EVC: variants seen among roughly 807,000 people sequenced by gnomAD.
EVC encodes evC complex member EVC.
Under a neutral mutation model 118.9 loss-of-function variants are expected in EVC, and 116 were observed. The ratio of observed to expected loss-of-function variants is 0.98; its 90% CI spans 0.84 to 1.14. The LOEUF is 1.14. Ranked by LOEUF, EVC falls within the 50% of genes most tolerant of loss-of-function variation. The pLI is 0.00. For missense variants in EVC, 1,401 were observed against 1,246.4 expected (o/e 1.12, Z -1.87); for synonymous variants, 619 against 534.7 (o/e 1.16, Z -2.18).
At chr4:5,791,134 A>G (rs557058868) in intron 12 of EVC, among the ~76,000 whole-genome samples, 95 of 152,314 alleles carry the variant, frequency 6.2e-4, no homozygotes, top group African/African-American at 2.2e-3. Context: ...GAAAACAGAA[A>G]TCTAATTGGA....
intron 15 of EVC, 25 bp from the exon 16 acceptor site, chr4:5,801,925 C>T (rs992074635): frequency 1.2e-6 from 2 of 1,611,300 alleles, no homozygotes; most frequent in Non-Finnish European, 1.7e-6. Flanking sequence ...TCTCTGCTGT[C>T]CCTGTCCTTC....
chr4:5,806,587 C>T (rs192228304), intron 17 of EVC, among the ~76,000 whole-genome samples: 39 of 152,296 alleles, frequency 2.6e-4, no homozygotes, highest in Non-Finnish European at 5.0e-4. Context: ...CTTATCCAGT[C>T]CTCCATTGAT....
At position 5,755,459 on chromosome 4, in the gene EVC, G is replaced by A. The variant is rs1731022467; in HGVS notation, c.1465-805G>A. 6.6e-6 allele frequency among the ~76,000 whole-genome samples: 1 copy of A among 152,100 alleles called. No homozygotes were observed. Among genetic ancestry groups the A allele is most frequent in the African/African-American group, 2.4e-5 (1 of 41,418 alleles). On this transcript the variant is annotated intron_variant, in intron 10 of 20. Coordinates refer to ENST00000264956, the MANE Select transcript of EVC (RefSeq NM_153717.3). This position sits in a 1 kb window ranked among gnomAD's most constrained non-coding sequence, Gnocchi z 4.1. ...GGATGGAATGGGTGGGAGAATGAAC[G>A]AACGACACCAGGCTCCCAGTACACA...
chr4:5,811,071 C>T lies in EVC; in HGVS notation c.*34C>T. 6.4e-7 allele frequency: 1 copy of T among 1,564,792 alleles called. No individual in the cohort carries two copies. The highest frequency in any genetic ancestry group is 8.7e-7 in the Non-Finnish European group (1 of 1,143,830). ...CAGTCGGTGGGACAAGACCTGAAGC[C>T]CTGGGTCTGGGTGTGAATTCCACCT... On this transcript the variant is annotated 3_prime_UTR_variant, in exon 21 of 21. Coordinates refer to ENST00000264956, the MANE Select transcript of EVC (RefSeq NM_153717.3).
chr4:5,740,060 A>T (rs1728283307), intron 5 of EVC, among the ~76,000 whole-genome samples: 1 of 152,212 alleles, frequency 6.6e-6, no homozygotes, highest in South Asian at 2.1e-4. Flanking sequence ...GAGCAATTGG[A>T]CATCCATAAA....
At chr4:5,800,573 G>A (rs1285174510) in intron 15 of EVC, among the ~76,000 whole-genome samples, 2 of 152,080 alleles carry the variant, frequency 1.3e-5, no homozygotes, top group African/African-American at 4.8e-5. Context: ...TGGGGTGTCC[G>A]CCACTTTACT....
intron 5 of EVC, among the ~76,000 whole-genome samples, chr4:5,736,298 CACACAT>C (rs1319766142): frequency 2.0e-5 from 3 of 152,110 alleles, no homozygotes; most frequent in Admixed American, 6.5e-5. Context: ...CACACACACA[CACACAT>C]GCACACACAT....
chr4:5,756,425 A>ACAT lies in EVC; in HGVS notation c.1563+65_1563+67dup. 1 of 1,414,300 alleles carries ACAT rather than the reference A, an allele frequency of 7.1e-7. No homozygotes were observed. Among genetic ancestry groups the ACAT allele is most frequent in the Non-Finnish European group, 9.8e-7 (1 of 1,019,802 alleles). The allele number at this position is 1,414,300 out of a possible 1,614,324, so 87.6% of individuals were successfully genotyped here. Reference sequence around the variant, plus strand: ...GGGTCTGTGTGTGTGCGAGAACCTCACATCCTCCTGGCTGGGGACCCCAGA... The same window carrying ACAT: ...GGGTCTGTGTGTGTGCGAGAACCTCACATCATCCTCCTGGCTGGGGACCCCAGA... On this transcript the variant is annotated intron_variant, in intron 11 of 20. Coordinates refer to ENST00000264956, the MANE Select transcript of EVC (RefSeq NM_153717.3). The surrounding 1 kb of genome is among the most constrained non-coding windows in gnomAD (Gnocchi z 4.2).
chr4:5,713,915 A>C (rs189036340), intron 1 of EVC, among the ~76,000 whole-genome samples: 239 of 152,136 alleles, frequency 1.6e-3, no homozygotes, highest in African/African-American at 5.6e-3. Flanking sequence ...AAAATAAATA[A>C]ATAAATAAAG....
At chr4:5,733,483 G>A (rs1264514845) in intron 5 of EVC, 48 bp downstream of exon 5, 5 of 1,492,562 alleles carry the variant, frequency 3.3e-6, no homozygotes, top group Admixed American at 1.7e-5. Flanking sequence ...GACAGGAGCT[G>A]GGAGACAAGG....
chr4:5,751,572 G>A (rs1281161708), intron 8 of EVC, among the ~76,000 whole-genome samples: 1 of 152,254 alleles, frequency 6.6e-6, no homozygotes, highest in African/African-American at 2.4e-5. Context: ...TGTGTTGTGG[G>A]AACAGAGGCC....
chr4:5,800,092 C>A (rs1211927468), intron 15 of EVC, among the ~76,000 whole-genome samples: 2 of 152,226 alleles, frequency 1.3e-5, no homozygotes, highest in African/African-American at 2.4e-5. Context: ...CGCCTGTAAT[C>A]CCAGCACTTT....
rs1553872261 is a variant in EVC at position 5,742,736 on chromosome 4, T to C, written c.801+922T>C. ...GCCATCATCATCTTCATTACCACCA[T>C]AATCATCATCACCATCCTTATTGCC... On this transcript the variant is annotated intron_variant, in intron 6 of 20. Coordinates refer to ENST00000264956, the MANE Select transcript of EVC (RefSeq NM_153717.3). This position sits in a 1 kb window ranked among gnomAD's most constrained non-coding sequence, Gnocchi z 5.2. Among the ~76,000 whole-genome samples, 1 of 152,136 alleles carries C rather than the reference T, an allele frequency of 6.6e-6. No individual in the cohort carries two copies. The highest frequency in any genetic ancestry group is 1.5e-5 in the Non-Finnish European group (1 of 68,016).
intron 7 of EVC, among the ~76,000 whole-genome samples, chr4:5,747,215 G>C (rs1191704876): frequency 9.8e-6 from 1 of 101,586 alleles, no homozygotes; most frequent in African/African-American, 4.7e-5. Flanking sequence ...AGTTGAGGCT[G>C]ACAGAGTTTC....
chr4:5,758,448 T>A, intron 11 of EVC: 1 of 245,612 alleles, frequency 4.1e-6, no homozygotes, highest in Admixed American at 5.4e-5. Context: ...AGGAAGACAC[T>A]GCATTTTCCT....
At position 5,711,220 on chromosome 4, in the gene EVC, A is replaced by T. The variant is rs1722946850; in HGVS notation, c.-161A>T. 1 of 323,688 alleles carries T rather than the reference A, an allele frequency of 3.1e-6. No individual in the cohort carries two copies. The allele number at this position is 323,688 out of a possible 1,614,324, so 20.1% of individuals were successfully genotyped here. On this transcript the variant is annotated 5_prime_UTR_variant, in exon 1 of 21. Coordinates refer to ENST00000264956, the MANE Select transcript of EVC (RefSeq NM_153717.3). ...CTCCCTCCGGCTCGGCGAAGCAGGG[A>T]AGGGGAGAGAAGCAGGAGTCGGGAG...
At chr4:5,807,796 C>T (rs375243082) in intron 17 of EVC, among the ~76,000 whole-genome samples, 3 of 152,222 alleles carry the variant, frequency 2.0e-5, no homozygotes, top group Non-Finnish European at 4.4e-5. Context: ...CAGGAGAATG[C>T]TCCTCCCTGG....
Position 5,798,468 on chromosome 4 carries a change from C to G in EVC, c.2098-118C>G. 9.7e-7 allele frequency: 1 copy of G among 1,034,252 alleles called. No individual in the cohort carries two copies. The highest frequency in any genetic ancestry group is 1.5e-6 in the Non-Finnish European group (1 of 681,138). 64.1% of individuals were successfully genotyped at this position (1,034,252 alleles called of 1,614,324 possible). On this transcript the variant is annotated intron_variant, in intron 14 of 20. Transcript: ENST00000264956. This position sits in a 1 kb window ranked among gnomAD's most constrained non-coding sequence, Gnocchi z 4.1. The stretch of plus-strand genomic sequence containing the variant: ...CAGAGGCCACCTCTTTCTGCCCTTT[C>G]TCCATCCCTTTTCCAACCCCTGGGC...
In EVC at chr4:5,798,495, C is replaced by A; in HGVS notation, c.2098-91C>A. ...CCATCCCTTTTCCAACCCCTGGGCC[C>A]TGGATAGGACCAGCCCCACATCCCA... On this transcript the variant is annotated intron_variant, in intron 14 of 20. Transcript: ENST00000264956. The surrounding 1 kb of genome is among the most constrained non-coding windows in gnomAD (Gnocchi z 4.1). 1 of 1,362,046 alleles carries A rather than the reference C, an allele frequency of 7.3e-7. No individual in the cohort carries two copies. The highest frequency in any genetic ancestry group is 1.0e-6 in the Non-Finnish European group (1 of 977,392). 84.4% of individuals were successfully genotyped at this position (1,362,046 alleles called of 1,614,324 possible). A position where few individuals can be genotyped will look rare whatever the true frequency, so the allele number is the denominator to read the frequency against.
Sources: gnomAD v4.1 joint callset for allele counts (sites outside exome capture counted in the v4.1 genomes callset) on GRCh38, gnomAD v4.1.1 for gene constraint, Gnocchi (gnomAD v3.1) non-coding constraint, MANE v1.5 for transcripts, NCBI Gene and HGNC (gene_info 2026-07-23, HGNC 2026-07-21) for gene names.